The following PLGRKT variants were observed in gnomAD, a reference collection of about 807,000 sequenced individuals.
PLGRKT encodes plasminogen receptor (KT).
In PLGRKT, 22 loss-of-function variants were observed where a neutral mutation model predicts 18.5. The observed-to-expected ratio is 1.19, with a 90% CI of 0.85 to 1.70. PLGRKT has a LOEUF of 1.70. Among genes scored for constraint, PLGRKT ranks in the 40% most tolerant of loss-of-function variants. The pLI is 0.00. For missense variants in PLGRKT, 235 were observed against 174.4 expected, an observed-to-expected ratio of 1.35 and a Z score of -1.96; for synonymous variants, 72 against 52.8, an observed-to-expected ratio of 1.36 and a Z score of -1.58.
At chr9:5,403,906 G>A (rs988376373) in intron 3 of PLGRKT, among the ~76,000 whole-genome samples, 1 of 152,084 alleles carries the variant, frequency 6.6e-6, no homozygotes, top group African/African-American at 2.4e-5. Context: ...AGAAAAAGCA[G>A]AAGATTCAAA....
intron 3 of PLGRKT, among the ~76,000 whole-genome samples, chr9:5,378,281 G>A (rs868254451): frequency 2.0e-5 from 3 of 152,214 alleles, no homozygotes; most frequent in Admixed American, 1.3e-4. Flanking sequence ...CAGCCCAAGC[G>A]ATGAGAACCT....
At chr9:5,434,227 G>T (rs1029908669) in intron 2 of PLGRKT, among the ~76,000 whole-genome samples, 5 of 141,004 alleles carry the variant, frequency 3.5e-5, no homozygotes, top group Non-Finnish European at 7.7e-5. Context: ...CAGCCATCCC[G>T]CCTGGGAAGT....
intron 3 of PLGRKT, among the ~76,000 whole-genome samples, chr9:5,396,466 A>T (rs1351911721): frequency 1.4e-5 from 2 of 146,640 alleles, no homozygotes; most frequent in South Asian, 2.2e-4. Flanking sequence ...TTGTATTTTT[A>T]GTATTTTTAA....
At chr9:5,380,756 C>A (rs1262845574) in intron 3 of PLGRKT, among the ~76,000 whole-genome samples, 1 of 152,150 alleles carries the variant, frequency 6.6e-6, no homozygotes, top group East Asian at 1.9e-4. Flanking sequence ...TAGAAGAGTG[C>A]CTTGCACATA....
At chr9:5,365,961 C>G (rs761527728) in intron 3 of PLGRKT, among the ~76,000 whole-genome samples, 1 of 152,098 alleles carries the variant, frequency 6.6e-6, no homozygotes, top group Non-Finnish European at 1.5e-5. Flanking sequence ...CTGTGATAAA[C>G]TATGGGCCTA....
At chr9:5,372,717 T>G (rs1040602797) in intron 3 of PLGRKT, among the ~76,000 whole-genome samples, 1 of 152,160 alleles carries the variant, frequency 6.6e-6, no homozygotes, top group Non-Finnish European at 1.5e-5. Flanking sequence ...CCAAGTCTCC[T>G]TCAGGGGTGC....
intron 3 of PLGRKT, among the ~76,000 whole-genome samples, chr9:5,380,370 TAA>T (rs71326159): frequency 0.28 from 36,001 of 129,066 alleles, 4,700 homozygotes; most frequent in Non-Finnish European, 0.32. Context: ...CTGTCTCAAT[TAA>T]AAAAAAAAAA....
At chr9:5,437,376 A>C (rs1481805010) in intron 1 of PLGRKT, among the ~76,000 whole-genome samples, 3 of 152,142 alleles carry the variant, frequency 2.0e-5, no homozygotes, top group African/African-American at 7.2e-5. Context: ...CAATATTTGC[A>C]TCCCATTGAA....
At chr9:5,368,302 T>C (rs1817440052) in intron 3 of PLGRKT, among the ~76,000 whole-genome samples, 1 of 152,214 alleles carries the variant, frequency 6.6e-6, no homozygotes, top group African/African-American at 2.4e-5. Flanking sequence ...CGCAGCACTA[T>C]TCACAATAGC....
chr9:5,383,586 G>A (rs1356317813), intron 3 of PLGRKT, among the ~76,000 whole-genome samples: 1 of 152,144 alleles, frequency 6.6e-6, no homozygotes, highest in African/African-American at 2.4e-5. Flanking sequence ...TAAGAGCTCT[G>A]AGCTTGTTTT....
At chr9:5,365,365 G>C (rs1175490600) in intron 3 of PLGRKT, among the ~76,000 whole-genome samples, 1 of 152,166 alleles carries the variant, frequency 6.6e-6, no homozygotes, top group Non-Finnish European at 1.5e-5. Context: ...ATAACCTAAA[G>C]TACAAAATAA....
chr9:5,373,738 C>A (rs115915403), intron 3 of PLGRKT, among the ~76,000 whole-genome samples: 1,885 of 151,520 alleles, frequency 0.012, 39 homozygotes, highest in African/African-American at 0.042. Context: ...GTCGAGGCTG[C>A]AGTGACAGAG....
At chr9:5,367,020 TACACACACATACACACACACAC>T (rs1406488202) in intron 3 of PLGRKT, among the ~76,000 whole-genome samples, 1 of 58,162 alleles carries the variant, frequency 1.7e-5, no homozygotes, top group South Asian at 7.5e-4. Flanking sequence ...GACAGACAGA[TACACACACATACACACACACAC>T]ACACACACAC....
chr9:5,371,986 C>CTGTTTTTTTTTTTTTTTTTTTTTTT (rs1817527282), intron 3 of PLGRKT, among the ~76,000 whole-genome samples: 1 of 89,152 alleles, frequency 1.1e-5, no homozygotes. Flanking sequence ...TCAGAAAATC[C>CTGTTTTTTTTTTTTTTTTTTTTTTT]TTTTTTTTTT....
At chr9:5,430,201 C>A (rs568868019) in intron 3 of PLGRKT, among the ~76,000 whole-genome samples, 1 of 152,226 alleles carries the variant, frequency 6.6e-6, no homozygotes, top group Non-Finnish European at 1.5e-5. Context: ...CTCCAGTCTT[C>A]TGTAATAGGC....
intron 3 of PLGRKT, among the ~76,000 whole-genome samples, chr9:5,427,928 T>C (rs1442592965): frequency 6.6e-6 from 1 of 152,202 alleles, no homozygotes; most frequent in Non-Finnish European, 1.5e-5. Context: ...CACTGTCCTA[T>C]GTGTTAAATG....
At chr9:5,427,831 C>T (rs1215623102) in intron 3 of PLGRKT, among the ~76,000 whole-genome samples, 1 of 152,200 alleles carries the variant, frequency 6.6e-6, no homozygotes, top group Non-Finnish European at 1.5e-5. Context: ...GGCTGGGTTA[C>T]AGGACGTGAG....
At chr9:5,392,708 T>C (rs1005097183) in intron 3 of PLGRKT, 15 of 151,904 alleles carry the variant, frequency 9.9e-5, no homozygotes, top group African/African-American at 1.9e-4. Context: ...AATAAGAGAA[T>C]ACATAAAATG....
intron 3 of PLGRKT, among the ~76,000 whole-genome samples, chr9:5,385,693 G>C (rs1003433863): frequency 2.0e-5 from 3 of 151,802 alleles, no homozygotes; most frequent in African/African-American, 7.3e-5. Flanking sequence ...AAGACAGAGA[G>C]GATGGTGGAA....
Sources: gnomAD v4.1 joint callset for allele counts (sites outside exome capture counted in the v4.1 genomes callset) on GRCh38, gnomAD v4.1.1 for gene constraint, MANE v1.5 for transcripts, NCBI Gene and HGNC (gene_info 2026-07-23, HGNC 2026-07-21) for gene names.